Variants in TMEM184B observed in about 807,000 individuals in gnomAD.
TMEM184B encodes putative MAPK-activating protein FM08.
Under a neutral mutation model 41.8 loss-of-function variants are expected in TMEM184B, and 17 were observed. The observed-to-expected ratio is 0.41, with a 90% CI of 0.28 to 0.61. The LOEUF (loss-of-function observed/expected upper bound fraction) is 0.61, where lower values mean the gene tolerates loss of function less well. TMEM184B is among the 20% of genes least tolerant of loss of function. The pLI is 0.34. For missense variants in TMEM184B, 393 were observed against 557.8 expected (o/e 0.70, Z 2.98); for synonymous variants, 240 against 229.5 (o/e 1.05, Z -0.41).
intron 1 of TMEM184B, chr22:38,272,586 G>A: frequency 1.0e-6 from 1 of 985,570 alleles, no homozygotes; most frequent in Non-Finnish European, 1.2e-6. Flanking sequence ...CCTCTCCCGG[G>A]GCCGCCCCCC....
chr22:38,222,578 A>G, intron 8 of TMEM184B: 1 of 985,160 alleles, frequency 1.0e-6, no homozygotes, highest in Non-Finnish European at 1.2e-6. Flanking sequence ...AGAGAGACGC[A>G]TGCCAGTGAC....
chr22:38,236,608 T>C (rs966544776), intron 3 of TMEM184B, among the ~76,000 whole-genome samples: 1 of 152,044 alleles, frequency 6.6e-6, no homozygotes, highest in Non-Finnish European at 1.5e-5. Context: ...CTCAGCCTCC[T>C]GAGTAGCTGG....
chr22:38,269,124 G>A (rs1431005201), intron 1 of TMEM184B, among the ~76,000 whole-genome samples: 5 of 152,204 alleles, frequency 3.3e-5, no homozygotes, highest in Non-Finnish European at 7.3e-5. Flanking sequence ...GCTAATAAGC[G>A]CACAGATTTA....
chr22:38,241,691 T>G (rs1464654916), intron 3 of TMEM184B, among the ~76,000 whole-genome samples: 1 of 151,842 alleles, frequency 6.6e-6, no homozygotes, highest in Non-Finnish European at 1.5e-5. Context: ...GAGACCATCC[T>G]GGCTAACACC....
At chr22:38,235,211 G>A (rs2091743121) in intron 3 of TMEM184B, among the ~76,000 whole-genome samples, 1 of 152,194 alleles carries the variant, frequency 6.6e-6, no homozygotes, top group Non-Finnish European at 1.5e-5. Flanking sequence ...TTCCAACACT[G>A]GAGGAGCTCC....
At chr22:38,267,015 G>A (rs1029909594) in intron 1 of TMEM184B, among the ~76,000 whole-genome samples, 2 of 151,818 alleles carry the variant, frequency 1.3e-5, no homozygotes, top group Admixed American at 6.6e-5. Context: ...CCCGGGAAGC[G>A]GAGCTTGCAG....
chr22:38,225,295 A>G lies in TMEM184B; in HGVS notation c.787+129T>C. 1 of 1,229,756 alleles carries G rather than the reference A, an allele frequency of 8.1e-7. No homozygotes were observed. 76.2% of individuals were successfully genotyped at this position (1,229,756 alleles called of 1,614,324 possible). The stretch of plus-strand genomic sequence containing the variant: ...GAGGGCTCAGATTTCACCCCCAGCA[A>G]GTGCCCAGTGGGCTGAGGCCCCTCT... On this transcript the variant is annotated intron_variant, in intron 7 of 8. Transcript: ENST00000361906. This position sits in a 1 kb window ranked among gnomAD's most constrained non-coding sequence, Gnocchi z 4.4.
At chr22:38,230,532 C>T (rs1009693324) in intron 5 of TMEM184B, 137 bp downstream of exon 5, 16 of 792,238 alleles carry the variant, frequency 2.0e-5, no homozygotes, top group African/African-American at 5.1e-5. Flanking sequence ...CTAACAGCTT[C>T]GGGGGGTGGG....
At chr22:38,268,840 C>T (rs2092480848) in intron 1 of TMEM184B, among the ~76,000 whole-genome samples, 1 of 152,246 alleles carries the variant, frequency 6.6e-6, no homozygotes, top group Non-Finnish European at 1.5e-5. Context: ...CAGCTGCACT[C>T]GGCTCCTGAG....
At chr22:38,263,688 G>A (rs560002456) in intron 1 of TMEM184B, among the ~76,000 whole-genome samples, 9 of 152,166 alleles carry the variant, frequency 5.9e-5, no homozygotes, top group East Asian at 1.9e-4. Flanking sequence ...CAGAGCTGCC[G>A]GTGAAAGTAT....
chr22:38,216,704 C>T (rs1466707906), downstream of TMEM184B, among the ~76,000 whole-genome samples: 1 of 151,934 alleles, frequency 6.6e-6, no homozygotes, highest in Non-Finnish European at 1.5e-5. Flanking sequence ...TTGCTTAGAG[C>T]ACAGGAGCTC....
rs1276101198 is a variant in TMEM184B, at chr22:38,226,620, G to C, written c.617+159C>G. On this transcript the variant is annotated intron_variant, in intron 6 of 8. Coordinates refer to ENST00000361906, the MANE Select transcript of TMEM184B (RefSeq NM_012264.5). This position sits in a 1 kb window ranked among gnomAD's most constrained non-coding sequence, Gnocchi z 4.6. ...GCTGGCAGCGGGGCCAACTGCAAGGGTGTCCACTGCTGGGCTCAGACTTCA... is the reference window on the plus strand; with the variant it reads ...GCTGGCAGCGGGGCCAACTGCAAGGCTGTCCACTGCTGGGCTCAGACTTCA... 1.5e-6 allele frequency: 1 copy of C among 672,488 alleles called. No individual in the cohort carries two copies. Among genetic ancestry groups the C allele is most frequent in the Admixed American group, 2.6e-5 (1 of 38,398 alleles). The allele number at this position is 672,488 out of a possible 1,614,324, so 41.7% of individuals were successfully genotyped here.
Position 38,220,721 on chromosome 22 carries a change from G to T in TMEM184B, c.*748C>A, listed in dbSNP as rs1174144190. 2.0e-6 allele frequency: 2 copies of T among 986,258 alleles called. No homozygotes were observed. Among genetic ancestry groups the T allele is most frequent in the African/African-American group, 3.5e-5 (2 of 57,258 alleles). 61.1% of individuals were successfully genotyped at this position (986,258 alleles called of 1,614,324 possible). ...GGAAGGACCCAAGTGAGCCGGCAGT[G>T]CGGGCTGTGGGCTGTCCTTGGTAGG... On this transcript the variant is annotated 3_prime_UTR_variant, in exon 9 of 9. Coordinates refer to ENST00000361906, the MANE Select transcript of TMEM184B (RefSeq NM_012264.5).
At chr22:38,266,656 T>C (rs2092448136) in intron 1 of TMEM184B, among the ~76,000 whole-genome samples, 2 of 152,256 alleles carry the variant, frequency 1.3e-5, no homozygotes, top group African/African-American at 4.8e-5. Context: ...CGGTGTTAAG[T>C]AAACAATGAG....
At chr22:38,261,837 A>T (rs2092372734) in intron 1 of TMEM184B, among the ~76,000 whole-genome samples, 1 of 152,212 alleles carries the variant, frequency 6.6e-6, no homozygotes, top group South Asian at 2.1e-4. Flanking sequence ...CTGTCCCTGT[A>T]ATCAAGAAGC....
chr22:38,263,772 C>G lies in TMEM184B; in HGVS notation c.-59+9112G>C, dbSNP rs576659023. ...TTAAATTGTTCATCCAAGAAATGAG[C>G]CTCAATGTTGGGGGAAATATAGAAA... On this transcript the variant is annotated intron_variant, in intron 1 of 8. Coordinates refer to ENST00000361906, the MANE Select transcript of TMEM184B (RefSeq NM_012264.5). Among the ~76,000 whole-genome samples, 49 of 152,196 alleles carry G rather than the reference C, an allele frequency of 3.2e-4. 1 individual carries two copies. The South Asian group carries it at 9.8e-3, about 30-fold the overall frequency.
intron 1 of TMEM184B, among the ~76,000 whole-genome samples, chr22:38,263,835 C>T (rs377607929): frequency 5.8e-4 from 88 of 152,338 alleles, no homozygotes; most frequent in African/African-American, 2.0e-3. Flanking sequence ...GATGCAGTCT[C>T]GCTCTGTCTC....
chr22:38,266,857 G>A (rs182611319), intron 1 of TMEM184B, among the ~76,000 whole-genome samples: 126 of 152,334 alleles, frequency 8.3e-4, no homozygotes, highest in Non-Finnish European at 1.4e-3. Context: ...GCCGAGGCGG[G>A]TGGATCAAGA....
chr22:38,227,675 T>C (rs1048949612), intron 5 of TMEM184B, among the ~76,000 whole-genome samples: 2 of 152,152 alleles, frequency 1.3e-5, no homozygotes, highest in African/African-American at 4.8e-5. Context: ...GGGCAGACAC[T>C]TGGCCTCTGA....
Sources: allele counts gnomAD v4.1 joint callset (sites outside exome capture counted in the v4.1 genomes callset), GRCh38; gene constraint gnomAD v4.1.1; non-coding constraint Gnocchi (gnomAD v3.1); transcripts MANE v1.5; gene names NCBI Gene and HGNC (gene_info 2026-07-23, HGNC 2026-07-21).